The following MGMT variants were observed in gnomAD, a reference collection of about 807,000 sequenced individuals.
The protein encoded by MGMT is O-6-methylguanine-DNA methyltransferase.
Under a neutral mutation model 15.9 loss-of-function variants are expected in MGMT, and 14 were observed. The observed-to-expected ratio is 0.88, with a 90% confidence interval of 0.58 to 1.37. MGMT has a LOEUF of 1.37. Ranked by LOEUF, MGMT falls within the 40% of genes most tolerant of loss-of-function variation. The probability of loss-of-function intolerance (pLI) is 0.00; values close to 1 mark genes in which losing one functional copy is unlikely to be tolerated. For synonymous variants in MGMT, 130 were observed against 118.2 expected (o/e 1.10, Z -0.65); for missense variants, 282 against 268.1 (o/e 1.05, Z -0.36).
chr10:129,551,143 T>C (rs889021319), intron 2 of MGMT, among the ~76,000 whole-genome samples: 4 of 152,204 alleles, frequency 2.6e-5, no homozygotes, highest in East Asian at 1.9e-4. Context: ...TTCAAAGAAA[T>C]AGAACATTCT....
intron 2 of MGMT, among the ~76,000 whole-genome samples, chr10:129,588,665 C>T (rs761689695): frequency 2.6e-5 from 4 of 152,196 alleles, no homozygotes; most frequent in East Asian, 3.9e-4. Flanking sequence ...GCCTGTACTG[C>T]GAGCCAGCAC....
At position 129,673,369 on chromosome 10, in the gene MGMT, C is replaced by T. The variant is rs530743717; in HGVS notation, c.126-34526C>T. Reference sequence around the variant, plus strand: ...CAGCCCTGCCCACCTCCCCATCTTCCTTTCTGAGACATGCAGCATTTCTCT... The same window carrying T: ...CAGCCCTGCCCACCTCCCCATCTTCTTTTCTGAGACATGCAGCATTTCTCT... On this transcript the variant is annotated intron_variant, in intron 2 of 4. Transcript: ENST00000651593. Among the ~76,000 whole-genome samples, 10 of 152,354 alleles carry T rather than the reference C, an allele frequency of 6.6e-5. No individual in the cohort carries two copies. In the South Asian group the frequency reaches 2.1e-3, roughly 32 times the overall value.
At chr10:129,661,259 G>A (rs1847594202) in intron 2 of MGMT, among the ~76,000 whole-genome samples, 1 of 151,412 alleles carries the variant, frequency 6.6e-6, no homozygotes, top group Non-Finnish European at 1.5e-5. Context: ...GTGTATGTCT[G>A]TATTTCTGTG....
intron 2 of MGMT, among the ~76,000 whole-genome samples, chr10:129,680,040 C>T (rs1403215688): frequency 1.3e-5 from 2 of 152,186 alleles, no homozygotes; most frequent in South Asian, 4.1e-4. Flanking sequence ...GAAAGACAGG[C>T]GAGTGCTGTA....
intron 2 of MGMT, among the ~76,000 whole-genome samples, chr10:129,694,859 C>G (rs575942019): frequency 4.6e-5 from 7 of 152,236 alleles, no homozygotes; most frequent in East Asian, 1.9e-4. Flanking sequence ...AACTGAAAAC[C>G]CTGAGTTTCA....
At chr10:129,699,213 C>T (rs1387386711) in intron 2 of MGMT, among the ~76,000 whole-genome samples, 2 of 151,920 alleles carry the variant, frequency 1.3e-5, no homozygotes, top group East Asian at 1.9e-4. Context: ...TCTGATCTGC[C>T]AAGTATACTA....
chr10:129,655,837 G>A (rs971736420), intron 2 of MGMT, among the ~76,000 whole-genome samples: 19 of 152,142 alleles, frequency 1.2e-4, no homozygotes, highest in South Asian at 2.1e-4. Context: ...AACACACAGC[G>A]CATGTGTTTC....
chr10:129,666,395 C>G (rs1324190150), intron 2 of MGMT, among the ~76,000 whole-genome samples: 2 of 152,006 alleles, frequency 1.3e-5, no homozygotes, highest in African/African-American at 4.8e-5. Flanking sequence ...TGATATTTTC[C>G]TATCTAGGAA....
In MGMT at chr10:129,657,707, GCACACACACA is replaced by G. The variant is rs57838117; in HGVS notation, c.126-50176_126-50167del. On this transcript the variant is annotated intron_variant, in intron 2 of 4. Coordinates refer to ENST00000651593, the MANE Select transcript of MGMT (RefSeq NM_002412.5). Reference sequence around the variant, plus strand: ...CACACACACACACACACACACACACGCACACACACACACACACACACCCCCTCTCCCCCAA... The same window carrying G: ...CACACACACACACACACACACACACGCACACACACACCCCCTCTCCCCCAA... 6.3e-5 allele frequency among the ~76,000 whole-genome samples: 7 copies of G among 111,562 alleles called. No homozygotes were observed. The East Asian group carries it at 1.2e-3, about 19-fold the overall frequency. The allele number at this position is 111,562 out of a possible 152,430, so 73.2% of individuals were successfully genotyped here.
chr10:129,570,541 G>A (rs180881378), intron 2 of MGMT, among the ~76,000 whole-genome samples: 22 of 152,352 alleles, frequency 1.4e-4, no homozygotes, highest in Non-Finnish European at 2.6e-4. Flanking sequence ...TATCAAAACT[G>A]GTGAAGTTGA....
intron 2 of MGMT, among the ~76,000 whole-genome samples, chr10:129,706,092 C>G (rs989733898): frequency 6.6e-6 from 1 of 152,230 alleles, no homozygotes; most frequent in Non-Finnish European, 1.5e-5. Flanking sequence ...CCCCAGCCCC[C>G]ACCAGTCACA....
Position 129,521,770 on chromosome 10 carries a change from G to A in MGMT, c.-12-14471G>A, listed in dbSNP as rs553967451. 1.5e-4 allele frequency among the ~76,000 whole-genome samples: 23 copies of A among 152,354 alleles called. No individual in the cohort carries two copies. In the South Asian group the frequency reaches 3.5e-3, roughly 23 times the overall value. On this transcript the variant is annotated intron_variant, in intron 1 of 4. Coordinates refer to ENST00000651593, the MANE Select transcript of MGMT (RefSeq NM_002412.5). Reference sequence around the variant, plus strand: ...ACCCCAGGCCCAGGGCAAGTCCCACGAGGCCGAGGCTGCACCTTGCTGTCC... The same window carrying A: ...ACCCCAGGCCCAGGGCAAGTCCCACAAGGCCGAGGCTGCACCTTGCTGTCC...
chr10:129,665,303 ACT>A (rs200511842), intron 2 of MGMT, among the ~76,000 whole-genome samples: 33 of 131,352 alleles, frequency 2.5e-4, no homozygotes, highest in East Asian at 4.4e-4. Flanking sequence ...CTCTCTCCCA[ACT>A]CTCTCTCTCT....
Position 129,659,993 on chromosome 10 carries a change from G to A in MGMT, c.126-47902G>A, listed in dbSNP as rs368793619. ...TCATCACCCGTGCAGTGAAGGATTT[G>A]CGTGGTCTTTGGTGCTTTTCTTCTA... On this transcript the variant is annotated intron_variant, in intron 2 of 4. Transcript: ENST00000651593. The surrounding 1 kb of genome is among the most constrained non-coding windows in gnomAD (Gnocchi z 4.1). Among the ~76,000 whole-genome samples the A allele has an allele frequency of 9.9e-5, 15 of 152,164 alleles. No individual in the cohort carries two copies. The highest frequency in any genetic ancestry group is 2.1e-4 in the South Asian group (1 of 4,828).
intron 2 of MGMT, among the ~76,000 whole-genome samples, chr10:129,634,052 C>G (rs114669920): frequency 6.6e-6 from 1 of 152,166 alleles, no homozygotes; most frequent in Non-Finnish European, 1.5e-5. Context: ...TGACTTCTTA[C>G]AGTTTTTTAG....
intron 2 of MGMT, among the ~76,000 whole-genome samples, chr10:129,577,901 A>C (rs1846505042): frequency 6.6e-6 from 1 of 152,238 alleles, no homozygotes; most frequent in Non-Finnish European, 1.5e-5. Flanking sequence ...TCAAAAGAAG[A>C]CATTTATGCA....
rs766247777 is a variant in MGMT, at chr10:129,766,965, A to T, written c.592A>T (p.Thr198Ser). The change falls in exon 5 of 5, where the codon ACC (threonine) becomes TCC (serine). Residue 198 changes from threonine (T) to serine (S), a missense_variant. Coordinates refer to ENST00000651593, the MANE Select transcript of MGMT (RefSeq NM_002412.5). ...AGAWLKGAGA[T>S]SGSPPAGRN ...GGCCTGGCTCAAGGGAGCGGGAGCT[A>T]CCTCGGGCTCCCCGCCTGCTGGCCG... 27 of 1,607,434 alleles carry T rather than the reference A, an allele frequency of 1.7e-5. 1 individual carries two copies. The South Asian group carries it at 2.5e-4, about 15-fold the overall frequency.
At chr10:129,517,825 G>C (rs189747609) in intron 1 of MGMT, among the ~76,000 whole-genome samples, 8 of 152,162 alleles carry the variant, frequency 5.3e-5, no homozygotes, top group African/African-American at 1.9e-4. Context: ...ATGTAACTGC[G>C]ACGCCGCAGC....
chr10:129,717,751 T>C (rs1382648399), intron 3 of MGMT: 2 of 152,236 alleles, frequency 1.3e-5, no homozygotes, highest in Non-Finnish European at 2.9e-5. Flanking sequence ...CTGACTCTTC[T>C]CTGAGGACAG....
Sources: gnomAD v4.1 joint callset for allele counts (sites outside exome capture counted in the v4.1 genomes callset) on GRCh38, gnomAD v4.1.1 for gene constraint, Gnocchi (gnomAD v3.1) non-coding constraint, MANE v1.5 for transcripts, NCBI Gene and HGNC (gene_info 2026-07-23, HGNC 2026-07-21) for gene names.